PRUNE2: variants seen among roughly 807,000 people sequenced by gnomAD.
The protein encoded by PRUNE2 is protein prune homolog 2.
Under a neutral mutation model 252.0 loss-of-function variants are expected in PRUNE2, and 164 were observed. That is an observed-to-expected ratio of 0.65 (90% CI 0.57 to 0.74). The LOEUF (loss-of-function observed/expected upper bound fraction) is 0.74, where lower values mean the gene tolerates loss of function less well. PRUNE2 is among the 30% of genes least tolerant of loss of function. The pLI is 0.00. For synonymous variants in PRUNE2, 1,292 were observed against 1,350.2 expected, an observed-to-expected ratio of 0.96 and a Z score of 0.94; for missense variants, 3,495 against 3,711.0, an observed-to-expected ratio of 0.94 and a Z score of 1.51.
intron 16 of PRUNE2, among the ~76,000 whole-genome samples, chr9:76,624,797 T>A (rs1458696030): frequency 6.6e-6 from 1 of 152,220 alleles, no homozygotes; most frequent in Non-Finnish European, 1.5e-5. Context: ...ACAGTTCAAG[T>A]TAGCTTGCAG....
rs58726178 is a variant in PRUNE2, at chr9:76,615,769, G to GTTTTTTTT, written c.9237-1177_9237-1170dup. The stretch of plus-strand genomic sequence containing the variant: ...TTTTTGTTGTTGTTTTGTGTGTGTG[G>GTTTTTTTT]TTTTTTTTTTTTTTTTTTTGAGATG... On this transcript the variant is annotated intron_variant, in intron 18 of 18. Transcript: ENST00000376718. 7.3e-4 allele frequency among the ~76,000 whole-genome samples: 69 copies of GTTTTTTTT among 93,976 alleles called. 8 individuals carry two copies. Among genetic ancestry groups the GTTTTTTTT allele is most frequent in the African/African-American group, 8.5e-4 (21 of 24,576 alleles). The allele number at this position is 93,976 out of a possible 152,430, so 61.7% of individuals were successfully genotyped here.
At chr9:76,842,816 C>G (rs2059463789) in intron 4 of PRUNE2, among the ~76,000 whole-genome samples, 1 of 151,996 alleles carries the variant, frequency 6.6e-6, no homozygotes, top group Non-Finnish European at 1.5e-5. Flanking sequence ...CATTAAAAAG[C>G]CAGGTAACAA....
intron 6 of PRUNE2, among the ~76,000 whole-genome samples, chr9:76,718,333 C>T (rs528813744): frequency 2.6e-5 from 4 of 152,332 alleles, no homozygotes; most frequent in African/African-American, 7.2e-5. Flanking sequence ...CCTCTTCTTG[C>T]ATCACTCACA....
chr9:76,859,133 C>T (rs1249615222), intron 1 of PRUNE2, among the ~76,000 whole-genome samples: 2 of 152,188 alleles, frequency 1.3e-5, no homozygotes, highest in African/African-American at 2.4e-5. Context: ...AGAGATACTA[C>T]ACTGCTTTGT....
chr9:76,763,700 T>C (rs2051996430), intron 6 of PRUNE2, among the ~76,000 whole-genome samples: 2 of 151,936 alleles, frequency 1.3e-5, no homozygotes, highest in South Asian at 4.2e-4. Flanking sequence ...GAAGAGCAGG[T>C]GGGGAGGAGA....
chr9:76,652,278 G>C (rs548805404), intron 11 of PRUNE2: 1 of 544,540 alleles, frequency 1.8e-6, no homozygotes, highest in South Asian at 2.5e-5. Context: ...GGTTAATAAA[G>C]AGCAATGGTT....
chr9:76,802,595 T>C (rs2056637432), intron 6 of PRUNE2, among the ~76,000 whole-genome samples: 1 of 152,190 alleles, frequency 6.6e-6, no homozygotes, highest in South Asian at 2.1e-4. Context: ...AACAAATTCA[T>C]GTACCATCTT....
chr9:76,830,199 G>T (rs1410451302), intron 4 of PRUNE2, among the ~76,000 whole-genome samples: 1 of 152,174 alleles, frequency 6.6e-6, no homozygotes, highest in African/African-American at 2.4e-5. Flanking sequence ...GAAAAATACA[G>T]AGATGAGCTT....
intron 1 of PRUNE2, among the ~76,000 whole-genome samples, chr9:76,865,593 A>C (rs2060787785): frequency 6.6e-6 from 1 of 152,220 alleles, no homozygotes; most frequent in Non-Finnish European, 1.5e-5. Flanking sequence ...TTGTCAGTGA[A>C]AATGATAATA....
At chr9:76,750,855 C>A (rs1466048556) in intron 6 of PRUNE2, among the ~76,000 whole-genome samples, 2 of 152,096 alleles carry the variant, frequency 1.3e-5, no homozygotes, top group Non-Finnish European at 2.9e-5. Flanking sequence ...GTCAGGCTTA[C>A]AAATATAATT....
At chr9:76,813,075 T>C (rs1221336909) in intron 6 of PRUNE2, among the ~76,000 whole-genome samples, 1 of 152,224 alleles carries the variant, frequency 6.6e-6, no homozygotes, top group East Asian at 1.9e-4. Context: ...AATGATATAC[T>C]TCTGCACATC....
intron 1 of PRUNE2, among the ~76,000 whole-genome samples, chr9:76,875,771 G>A (rs2061443470): frequency 6.6e-6 from 1 of 152,176 alleles, no homozygotes; most frequent in Non-Finnish European, 1.5e-5. Context: ...AGGGAATGTG[G>A]GCACAGAGGT....
chr9:76,637,007 G>GTGTGTGTGTGTA (rs1475722008), intron 14 of PRUNE2, among the ~76,000 whole-genome samples: 1 of 149,962 alleles, frequency 6.7e-6, no homozygotes, highest in Non-Finnish European at 1.5e-5. Flanking sequence ...GTGTGTGTGT[G>GTGTGTGTGTGTA]TGTATAATTT....
At chr9:76,879,888 T>C (rs1400203253) in intron 1 of PRUNE2, among the ~76,000 whole-genome samples, 1 of 83,012 alleles carries the variant, frequency 1.2e-5, no homozygotes, top group African/African-American at 6.5e-5. Flanking sequence ...CATATATATA[T>C]ATATATATAT....
Position 76,709,361 on chromosome 9 carries a change from G to C in PRUNE2, c.2913C>G (p.Asp971Glu), listed in dbSNP as rs1588737051. 4 of 1,613,998 alleles carry C rather than the reference G, an allele frequency of 2.5e-6. No individual in the cohort carries two copies. In the East Asian group the frequency reaches 6.7e-5, roughly 27 times the overall value. Residue 971 changes from aspartate to glutamate, a missense_variant, in exon 8 of 19, where the codon GAC (aspartate) becomes GAG (glutamate). Transcript: ENST00000376718. ...SPLDTNYSTSDSYTSPTFAGD... is the reference protein window; with the variant it reads ...SPLDTNYSTSESYTSPTFAGD... ...CAGCAAATGTTGGTGATGTGTAAGA[G>C]TCTGAGGTGGAATAATTGGTATCTA...
chr9:76,677,861 G>C (rs499746), intron 9 of PRUNE2, among the ~76,000 whole-genome samples: 135,993 of 152,050 alleles, frequency 0.89, 62,128 homozygotes, highest in Non-Finnish European at 0.99. Flanking sequence ...GGGACTGACC[G>C]GGGCAGACAT....
At chr9:76,811,964 A>T (rs1418071928) in intron 6 of PRUNE2, among the ~76,000 whole-genome samples, 1 of 152,216 alleles carries the variant, frequency 6.6e-6, no homozygotes, top group Non-Finnish European at 1.5e-5. Flanking sequence ...GAGCATGTGG[A>T]CATACGGAAG....
intron 12 of PRUNE2, among the ~76,000 whole-genome samples, chr9:76,641,737 A>AC (rs9314851): frequency 1.3e-4 from 19 of 151,698 alleles, no homozygotes; most frequent in South Asian, 2.1e-4. Context: ...TGCATGAGCA[A>AC]CCCCCCCCCA....
At chr9:76,697,424 C>T (rs1415131749) in intron 9 of PRUNE2, among the ~76,000 whole-genome samples, 2 of 152,162 alleles carry the variant, frequency 1.3e-5, no homozygotes, top group Non-Finnish European at 2.9e-5. Context: ...TCCAACCACT[C>T]GAGTTGGTCC....
Sources: gnomAD v4.1 joint callset for allele counts (sites outside exome capture counted in the v4.1 genomes callset) on GRCh38, gnomAD v4.1.1 for gene constraint, MANE v1.5 for transcripts, NCBI Gene and HGNC (gene_info 2026-07-23, HGNC 2026-07-21) for gene names.